The following ADAMTSL3 variants were observed in gnomAD, a reference collection of about 807,000 sequenced individuals.
The protein encoded by ADAMTSL3 is ADAMTS like 3, also known as ADAMTS-like protein 3.
Under a neutral mutation model 201.7 loss-of-function variants are expected in ADAMTSL3, and 128 were observed. The observed-to-expected ratio is 0.63, with a 90% CI of 0.55 to 0.73. ADAMTSL3 has a LOEUF of 0.73. ADAMTSL3 is among the 30% of genes least tolerant of loss of function. The probability of loss-of-function intolerance (pLI) is 0.00; values close to 1 mark genes in which losing one functional copy is unlikely to be tolerated. For synonymous variants in ADAMTSL3, 738 were observed against 748.4 expected, an observed-to-expected ratio of 0.99 and a Z score of 0.23; for missense variants, 1,990 against 2,119.6, an observed-to-expected ratio of 0.94 and a Z score of 1.20.
intron 19 of ADAMTSL3, among the ~76,000 whole-genome samples, chr15:83,951,708 A>G (rs1012827158): frequency 2.6e-5 from 4 of 152,044 alleles, no homozygotes; most frequent in African/African-American, 9.7e-5. Flanking sequence ...TGGTCTGTTC[A>G]GGTTTTGGAT....
chr15:83,896,625 GA>G (rs2065620779), intron 13 of ADAMTSL3, among the ~76,000 whole-genome samples: 1 of 152,070 alleles, frequency 6.6e-6, no homozygotes, highest in South Asian at 2.1e-4. Context: ...GGGTGAAGGG[GA>G]AGATTGGCGC....
At chr15:83,872,880 CGTATAT>C (rs1212294311) in intron 9 of ADAMTSL3, among the ~76,000 whole-genome samples, 3 of 145,158 alleles carry the variant, frequency 2.1e-5, no homozygotes, top group African/African-American at 5.3e-5. Flanking sequence ...TGTACACACA[CGTATAT>C]GTATATGTAT....
At chr15:83,718,540 C>T (rs2141565115) in intron 3 of ADAMTSL3, among the ~76,000 whole-genome samples, 1 of 150,160 alleles carries the variant, frequency 6.7e-6, no homozygotes, top group South Asian at 2.1e-4. Flanking sequence ...CTCATTCCTA[C>T]TAAAAATACA....
chr15:83,693,286 G>A (rs2141463281), intron 2 of ADAMTSL3, among the ~76,000 whole-genome samples: 1 of 152,278 alleles, frequency 6.6e-6, no homozygotes, highest in South Asian at 2.1e-4. Flanking sequence ...TGTCTCACTG[G>A]GCAGAAGCAT....
chr15:83,956,345 C>T (rs2066861710), intron 19 of ADAMTSL3, among the ~76,000 whole-genome samples: 1 of 152,224 alleles, frequency 6.6e-6, no homozygotes, highest in South Asian at 2.1e-4. Context: ...TTCTTCAGTG[C>T]CTCTTTCAGT....
At chr15:83,783,633 A>G (rs1409984740) in intron 4 of ADAMTSL3, among the ~76,000 whole-genome samples, 1 of 152,156 alleles carries the variant, frequency 6.6e-6, no homozygotes, top group Non-Finnish European at 1.5e-5. Flanking sequence ...TTAAAGGAAG[A>G]AGCATTAGCA....
intron 22 of ADAMTSL3, 151 bp from the exon 23 acceptor site, chr15:83,990,935 A>C (rs2067570815): frequency 1.9e-6 from 2 of 1,076,886 alleles, no homozygotes; most frequent in Non-Finnish European, 2.7e-6. Flanking sequence ...ATGTATGTGC[A>C]CATCCCCACG....
rs992989730 is a variant in ADAMTSL3, at chr15:83,940,508, T to C, written c.2118-2088T>C. 5.3e-5 allele frequency among the ~76,000 whole-genome samples: 8 copies of C among 152,150 alleles called. 1 individual carries two copies. In the South Asian group the frequency reaches 1.4e-3, roughly 28 times the overall value. ...CTGGTGTCTCTTTTTACAAAGGCAC[T>C]AATCCCATCATGAGGGCTCCACTCT... On this transcript the variant is annotated intron_variant, in intron 17 of 29. Transcript: ENST00000286744.
At position 84,036,980 on chromosome 15, in the gene ADAMTSL3, C is replaced by T. The variant is rs1001652466; in HGVS notation, c.4962C>T (p.Ser1654=). The change falls in exon 29 of 30, where the codon TCC becomes TCT. Residue 1654 remains serine (S), a synonymous_variant. Coordinates refer to ENST00000286744, the MANE Select transcript of ADAMTSL3 (RefSeq NM_207517.3). ...CCTGGCGGCACTGTCTTGGGCCCTCCTGTGATAGTACGTACACCTCCCAGG... is the reference window on the plus strand; with the variant it reads ...CCTGGCGGCACTGTCTTGGGCCCTCTTGTGATAGTACGTACACCTCCCAGG... ...PISWRHCLGP[S]CDRDCTDTTH... The T allele has an allele frequency of 2.5e-6, 4 of 1,613,842 alleles. No individual in the cohort carries two copies. In the African/African-American group the frequency reaches 4.0e-5, roughly 16 times the overall value.
chr15:84,012,970 C>T (rs2068030745), intron 23 of ADAMTSL3, among the ~76,000 whole-genome samples: 1 of 152,222 alleles, frequency 6.6e-6, no homozygotes, highest in African/African-American at 2.4e-5. Context: ...AAAACAAAGC[C>T]TCACCCCAAC....
chr15:83,997,141 G>C (rs1439865803), intron 23 of ADAMTSL3, among the ~76,000 whole-genome samples: 1 of 152,180 alleles, frequency 6.6e-6, no homozygotes, highest in African/African-American at 2.4e-5. Flanking sequence ...TTTGCAAAGA[G>C]AGTTTCAAGA....
chr15:83,780,300 C>T (rs1017346601), intron 4 of ADAMTSL3, among the ~76,000 whole-genome samples: 6 of 151,288 alleles, frequency 4.0e-5, no homozygotes, highest in East Asian at 3.9e-4. Context: ...ATGCCAGCTA[C>T]TTGGGAGGCT....
intron 23 of ADAMTSL3, among the ~76,000 whole-genome samples, chr15:83,994,025 T>C (rs532616050): frequency 1.3e-5 from 2 of 152,350 alleles, no homozygotes; most frequent in East Asian, 3.9e-4. Context: ...TTGTTGTGTG[T>C]CACGCTCCTC....
At chr15:83,916,618 G>C (rs1325051038) in intron 16 of ADAMTSL3, among the ~76,000 whole-genome samples, 1 of 151,922 alleles carries the variant, frequency 6.6e-6, no homozygotes, top group Non-Finnish European at 1.5e-5. Context: ...TGAAACTGAA[G>C]AGCTAAGGCA....
At chr15:83,722,996 T>G (rs1159696034) in intron 3 of ADAMTSL3, among the ~76,000 whole-genome samples, 1 of 152,178 alleles carries the variant, frequency 6.6e-6, no homozygotes, top group African/African-American at 2.4e-5. Context: ...TTTAACTACA[T>G]AGAAGCCTTA....
intron 4 of ADAMTSL3, among the ~76,000 whole-genome samples, chr15:83,801,671 T>TATAA (rs1486016812): frequency 1.5e-5 from 1 of 66,786 alleles, no homozygotes; most frequent in Non-Finnish European, 3.2e-5. Context: ...TATATATATA[T>TATAA]ATATATATAT....
At chr15:83,699,036 G>A (rs572088008) in intron 2 of ADAMTSL3, among the ~76,000 whole-genome samples, 3 of 151,908 alleles carry the variant, frequency 2.0e-5, no homozygotes, top group Admixed American at 2.0e-4. Flanking sequence ...GTCAGGCAAA[G>A]CCCTCTTGCC....
chr15:84,037,914 T>C lies in ADAMTSL3; in HGVS notation c.*108T>C. ...ATGTATTTCTTAAAAGACTAGATTC[T>C]ATGGATCAAACAGAGGTTGATGCAA... On this transcript the variant is annotated 3_prime_UTR_variant, in exon 30 of 30. Transcript: ENST00000286744. 2 of 1,438,186 alleles carry C rather than the reference T, an allele frequency of 1.4e-6. No individual in the cohort carries two copies. Among genetic ancestry groups the C allele is most frequent in the Non-Finnish European group, 1.8e-6 (2 of 1,091,556 alleles). 89.1% of individuals were successfully genotyped at this position (1,438,186 alleles called of 1,614,324 possible). A position where few individuals can be genotyped will look rare whatever the true frequency, so the allele number is the denominator to read the frequency against.
chr15:84,016,423 A>T lies in ADAMTSL3; in HGVS notation c.4197A>T (p.Gly1399=), dbSNP rs2141899074. 1 of 1,614,026 alleles carries T rather than the reference A, an allele frequency of 6.2e-7. No homozygotes were observed. The highest frequency in any genetic ancestry group is 1.3e-5 in the African/African-American group (1 of 75,008). ...WPESRIVFLQ[G]HKKYILQATN... ...AGAGTAGAATCGTATTTCTGCAAGG[A>T]CATAAAAAGTACATTCTCCAGGCAA... Residue 1399 remains glycine (G), a synonymous_variant, in exon 25 of 30, where the codon GGA becomes GGT. Transcript: ENST00000286744.
Sources: allele counts gnomAD v4.1 joint callset (sites outside exome capture counted in the v4.1 genomes callset), GRCh38; gene constraint gnomAD v4.1.1; transcripts MANE v1.5; gene names NCBI Gene and HGNC (gene_info 2026-07-23, HGNC 2026-07-21).